Variants in PDE12 observed in about 807,000 individuals in gnomAD.
The protein encoded by PDE12 is 2',5'-phosphodiesterase 12.
In PDE12, 26 loss-of-function variants were observed where a neutral mutation model predicts 45.4. That is an observed-to-expected ratio of 0.57 (90% confidence interval 0.42 to 0.79). The LOEUF (loss-of-function observed/expected upper bound fraction) is 0.79. Among genes scored for constraint, PDE12 ranks in the 30% least tolerant of loss-of-function variants. The pLI, the probability that PDE12 is intolerant of heterozygous loss-of-function variation, is 0.00. For missense variants in PDE12, 668 were observed against 790.0 expected, an observed-to-expected ratio of 0.85 and a Z score of 1.85; for synonymous variants, 283 against 323.9, an observed-to-expected ratio of 0.87 and a Z score of 1.36.
the PDE12 span, among the ~76,000 whole-genome samples, chr3:57,581,080 GA>G: frequency 1.3e-5 from 2 of 152,172 alleles, no homozygotes; most frequent in African/African-American, 4.8e-5. Context: ...GAAATTATTT[GA>G]AAAGCCAAAT....
the PDE12 span, chr3:57,584,388 G>A: frequency 3.1e-6 from 5 of 1,607,472 alleles, no homozygotes; most frequent in South Asian, 5.5e-5. Flanking sequence ...TCTTACCAAT[G>A]GTAGGAATGG....
At chr3:57,580,411 T>C in the PDE12 span, among the ~76,000 whole-genome samples, 1 of 152,086 alleles carries the variant, frequency 6.6e-6, no homozygotes, top group African/African-American at 2.4e-5. Context: ...TCTTCTTTTT[T>C]TCAAAAAAGA....
the PDE12 span, among the ~76,000 whole-genome samples, chr3:57,641,132 G>T: frequency 6.8e-6 from 1 of 147,016 alleles, no homozygotes. Context: ...TATATATATA[G>T]AAAGTTCTGT....
At chr3:57,632,471 C>T in the PDE12 span, among the ~76,000 whole-genome samples, 1 of 152,008 alleles carries the variant, frequency 6.6e-6, no homozygotes, top group Non-Finnish European at 1.5e-5. Context: ...GCCACTGTGC[C>T]CAGCCTAGTC....
chr3:57,644,992 T>G, the PDE12 span, among the ~76,000 whole-genome samples: 1 of 151,940 alleles, frequency 6.6e-6, no homozygotes, highest in Non-Finnish European at 1.5e-5. Flanking sequence ...CATGCAGATT[T>G]TTGTTGTTGC....
chr3:57,607,179 G>C, the PDE12 span, among the ~76,000 whole-genome samples: 1 of 152,188 alleles, frequency 6.6e-6, no homozygotes, highest in African/African-American at 2.4e-5. Context: ...ACCTGCAGCT[G>C]AGGGTCCTGA....
chr3:57,650,493 A>C, the PDE12 span, among the ~76,000 whole-genome samples: 1 of 151,990 alleles, frequency 6.6e-6, no homozygotes, highest in Non-Finnish European at 1.5e-5. Flanking sequence ...GAGAGGGTCT[A>C]AAAGCAATGA....
the PDE12 span, among the ~76,000 whole-genome samples, chr3:57,590,968 A>G: frequency 6.6e-6 from 1 of 152,232 alleles, no homozygotes; most frequent in South Asian, 2.1e-4. Flanking sequence ...AGGTGATTCT[A>G]TACATTTTTG....
At chr3:57,592,374 G>A in the PDE12 span, among the ~76,000 whole-genome samples, 1 of 152,002 alleles carries the variant, frequency 6.6e-6, no homozygotes, top group Non-Finnish European at 1.5e-5. Context: ...TGTAATCCCA[G>A]CTACTGGAGA....
the PDE12 span, among the ~76,000 whole-genome samples, chr3:57,575,938 T>C: frequency 1.3e-5 from 2 of 151,750 alleles, no homozygotes; most frequent in African/African-American, 4.9e-5. Flanking sequence ...TCACTCATCA[T>C]TCAGCCTTCA....
the PDE12 span, among the ~76,000 whole-genome samples, chr3:57,612,644 G>A: frequency 2.0e-5 from 3 of 151,906 alleles, no homozygotes; most frequent in Middle Eastern, 3.4e-3. Context: ...GGTGGTGCAC[G>A]CCTGTAGTCC....
chr3:57,650,443 CACATACAT>C, the PDE12 span, among the ~76,000 whole-genome samples: 1 of 150,460 alleles, frequency 6.6e-6, no homozygotes, highest in Admixed American at 6.6e-5. Context: ...CACACACACA[CACATACAT>C]ACACACACAC....
At chr3:57,621,955 C>T in the PDE12 span, among the ~76,000 whole-genome samples, 1 of 152,094 alleles carries the variant, frequency 6.6e-6, no homozygotes, top group Non-Finnish European at 1.5e-5. Context: ...GTGGGTGGAT[C>T]GCTTAAGGTC....
the PDE12 span, among the ~76,000 whole-genome samples, chr3:57,641,185 T>C: frequency 1.4e-5 from 2 of 144,988 alleles, no homozygotes; most frequent in African/African-American, 5.0e-5. Flanking sequence ...TTTAAATATA[T>C]ATTTATATAT....
the PDE12 span, chr3:57,634,901 T>C: frequency 1.5e-6 from 1 of 671,706 alleles, no homozygotes; most frequent in Non-Finnish European, 2.3e-6. Context: ...CATCTATTAA[T>C]ATGTTAAGGG....
the PDE12 span, among the ~76,000 whole-genome samples, chr3:57,581,741 A>G: frequency 6.6e-6 from 1 of 152,192 alleles, no homozygotes; most frequent in African/African-American, 2.4e-5. Context: ...CAGAGGTTGC[A>G]GTGAGCCAAG....
chr3:57,599,979 C>T, the PDE12 span: 1 of 151,490 alleles, frequency 6.6e-6, no homozygotes, highest in Non-Finnish European at 1.5e-5. Flanking sequence ...AGGTGTGAGC[C>T]AGTGCACCCA....
At chr3:57,590,827 C>T in the PDE12 span, among the ~76,000 whole-genome samples, 10 of 152,194 alleles carry the variant, frequency 6.6e-5, no homozygotes, top group South Asian at 4.1e-4. Flanking sequence ...TACAGGGGCA[C>T]GCCACCATGC....
chr3:57,558,243 A>G (rs978792053), intron 1 of PDE12, among the ~76,000 whole-genome samples: 13 of 152,306 alleles, frequency 8.5e-5, no homozygotes, highest in African/African-American at 2.9e-4. Context: ...CATGCACCTT[A>G]TAAGATCATT....
Sources: allele counts gnomAD v4.1 joint callset (sites outside exome capture counted in the v4.1 genomes callset), GRCh38; gene constraint gnomAD v4.1.1; transcripts MANE v1.5; gene names NCBI Gene and HGNC (gene_info 2026-07-23, HGNC 2026-07-21).